SH2B3: variants seen among roughly 807,000 people sequenced by gnomAD.
SH2B3 encodes the protein SH2B adapter protein 3.
SH2B3 carries 43 observed loss-of-function variants against 51.9 expected under a neutral mutation model. That is an observed-to-expected ratio of 0.83 (90% CI 0.65 to 1.07). The LOEUF (loss-of-function observed/expected upper bound fraction) is 1.07. SH2B3 is among the 50% of genes least tolerant of loss of function. The pLI is 0.00. For synonymous variants in SH2B3, 396 were observed against 376.0 expected, an observed-to-expected ratio of 1.05 and a Z score of -0.62; for missense variants, 952 against 834.3, an observed-to-expected ratio of 1.14 and a Z score of -1.74.
At position 111,447,226 on chromosome 12, in the gene SH2B3, A is replaced by T; in HGVS notation, c.1021+7A>T. On this transcript the variant is annotated splice_region_variant and intron_variant, in intron 5 of 7. Coordinates refer to ENST00000341259, the MANE Select transcript of SH2B3 (RefSeq NM_005475.3). ...ACAGATTCCCTTAACCAAGGTGGGT[A>T]AACCAATAGCTAGGCCATTGTCTTC... 1 of 1,608,332 alleles carries T rather than the reference A, an allele frequency of 6.2e-7. No individual in the cohort carries two copies. Among genetic ancestry groups the T allele is most frequent in the Non-Finnish European group, 8.5e-7 (1 of 1,174,722 alleles).
Position 111,435,597 on chromosome 12 carries a change from G to A in SH2B3, c.733-11156G>A, listed in dbSNP as rs2068941732. 6.6e-6 allele frequency among the ~76,000 whole-genome samples: 1 copy of A among 152,134 alleles called. No individual in the cohort carries two copies. ...TGGTCTCGAACTCCTGACCTCAAGTGATCCGCCCATCTTGACCTCCCAAAG... is the reference window on the plus strand; with the variant it reads ...TGGTCTCGAACTCCTGACCTCAAGTAATCCGCCCATCTTGACCTCCCAAAG... On this transcript the variant is annotated intron_variant, in intron 2 of 7. Coordinates refer to ENST00000341259, the MANE Select transcript of SH2B3 (RefSeq NM_005475.3). The surrounding 1 kb of genome is among the most constrained non-coding windows in gnomAD (Gnocchi z 4.8).
intron 2 of SH2B3, among the ~76,000 whole-genome samples, chr12:111,434,276 T>C (rs1180614402): frequency 6.6e-6 from 1 of 152,230 alleles, no homozygotes; most frequent in Non-Finnish European, 1.5e-5. Flanking sequence ...AACATTTCTA[T>C]CACCCTAGAA....
At chr12:111,431,642 C>T (rs751307991) in intron 2 of SH2B3, among the ~76,000 whole-genome samples, 9 of 152,066 alleles carry the variant, frequency 5.9e-5, no homozygotes, top group South Asian at 2.1e-4. Context: ...AGAGCAGTGG[C>T]GCCATCTCGG....
At chr12:111,427,345 C>T (rs934534194) in intron 2 of SH2B3, among the ~76,000 whole-genome samples, 1 of 141,142 alleles carries the variant, frequency 7.1e-6, no homozygotes, top group Admixed American at 7.7e-5. Flanking sequence ...GAGATTGCAC[C>T]GTTGCACTCC....
At chr12:111,415,992 A>C (rs1871056223) in intron 1 of SH2B3, among the ~76,000 whole-genome samples, 1 of 151,970 alleles carries the variant, frequency 6.6e-6, no homozygotes, top group African/African-American at 2.4e-5. Flanking sequence ...CCCAGGCTGG[A>C]GTCCAGTGGC....
intron 2 of SH2B3, among the ~76,000 whole-genome samples, chr12:111,443,306 G>A (rs1873614034): frequency 6.6e-6 from 1 of 152,222 alleles, no homozygotes; most frequent in African/African-American, 2.4e-5. Context: ...ACCTTTGCAG[G>A]GGGACTGATC....
Position 111,418,766 on chromosome 12 carries a change from C to T in SH2B3, c.621C>T (p.Asp207=), listed in dbSNP as rs1308812936. 6.8e-7 allele frequency: 1 copy of T among 1,478,576 alleles called. No individual in the cohort carries two copies. Among genetic ancestry groups the T allele is most frequent in the Non-Finnish European group, 8.9e-7 (1 of 1,122,994 alleles). The allele number at this position is 1,478,576 out of a possible 1,614,324, so 91.6% of individuals were successfully genotyped here. ...KEAVLRYSLA[D]EASMDSGARW... is the part of the protein sequence containing the mutation. ...CGGTGCTGCGCTACAGCCTGGCCGA[C>T]GAGGCCTCCATGGACAGCGGGGCAC... The change falls in exon 2 of 8, where the codon GAC becomes GAT. Residue 207 remains aspartate, a synonymous_variant. Coordinates refer to ENST00000341259, the MANE Select transcript of SH2B3 (RefSeq NM_005475.3). The surrounding 1 kb of genome is among the most constrained non-coding windows in gnomAD (Gnocchi z 6.7).
At chr12:111,416,916 C>T (rs1416171094) in intron 1 of SH2B3, among the ~76,000 whole-genome samples, 2 of 152,198 alleles carry the variant, frequency 1.3e-5, no homozygotes, top group African/African-American at 4.8e-5. Flanking sequence ...TGATTCCTCC[C>T]CAGAGGTACC....
chr12:111,414,795 G>A (rs2135540759), intron 1 of SH2B3, among the ~76,000 whole-genome samples: 1 of 152,250 alleles, frequency 6.6e-6, no homozygotes, highest in South Asian at 2.1e-4. Context: ...GCCTGTGGAG[G>A]GGTGTGTGGC....
Position 111,410,831 on chromosome 12 carries a change from G to C in SH2B3, c.-28+4554G>C, listed in dbSNP as rs1870642296. 6.6e-6 allele frequency among the ~76,000 whole-genome samples: 1 copy of C among 152,232 alleles called. No individual in the cohort carries two copies. The highest frequency in any genetic ancestry group is 6.5e-5 in the Admixed American group (1 of 15,290). On this transcript the variant is annotated intron_variant, in intron 1 of 7. Transcript: ENST00000341259. This position sits in a 1 kb window ranked among gnomAD's most constrained non-coding sequence, Gnocchi z 4.9. The stretch of plus-strand genomic sequence containing the variant: ...GCAGGCCGCCTGCCAGGCAGTGTGT[G>C]TCAGAATCCCACAACTCTCTGGGCC...
At chr12:111,440,559 G>T (rs996742635) in intron 2 of SH2B3, among the ~76,000 whole-genome samples, 4 of 152,240 alleles carry the variant, frequency 2.6e-5, no homozygotes. Flanking sequence ...GGGTGGTGTG[G>T]GGTCTGTGAG....
Position 111,409,017 on chromosome 12 carries a change from T to C in SH2B3, c.-28+2740T>C, listed in dbSNP as rs1039793702. 1.3e-5 allele frequency among the ~76,000 whole-genome samples: 2 copies of C among 152,204 alleles called. No homozygotes were observed. Among genetic ancestry groups the C allele is most frequent in the African/African-American group, 4.8e-5 (2 of 41,448 alleles). ...AATTCCCACTTCTCCCTGGTAGCAG[T>C]ATGGACTTTGGGGCCAAATCTGGGC... On this transcript the variant is annotated intron_variant, in intron 1 of 7. Coordinates refer to ENST00000341259, the MANE Select transcript of SH2B3 (RefSeq NM_005475.3). This position sits in a 1 kb window ranked among gnomAD's most constrained non-coding sequence, Gnocchi z 4.0.
chr12:111,429,035 AGG>A lies in SH2B3; in HGVS notation c.732+10159_732+10160del. Among the ~76,000 whole-genome samples the A allele has an allele frequency of 7.2e-5, 9 of 125,810 alleles. No homozygotes were observed. The Admixed American group carries it at 7.9e-4, about 11-fold the overall frequency. 82.5% of individuals were successfully genotyped at this position (125,810 alleles called of 152,430 possible). ...GAGTGCGAGGAGGAGGAGGAGGAGG[AGG>A]AGGAGGAGGAAGAGGAGGAGGAGGA... is the stretch of plus-strand genomic sequence containing the variant. On this transcript the variant is annotated intron_variant, in intron 2 of 7. Transcript: ENST00000341259. The surrounding 1 kb of genome is among the most constrained non-coding windows in gnomAD (Gnocchi z 4.4).
chr12:111,432,308 T>A (rs1872557525), intron 2 of SH2B3, among the ~76,000 whole-genome samples: 1 of 152,032 alleles, frequency 6.6e-6, no homozygotes, highest in Non-Finnish European at 1.5e-5. Context: ...TGCCTCAGCC[T>A]CCCAAAGTGC....
intron 2 of SH2B3, among the ~76,000 whole-genome samples, chr12:111,443,305 G>A (rs1459790376): frequency 6.6e-6 from 1 of 152,224 alleles, no homozygotes; most frequent in Non-Finnish European, 1.5e-5. Context: ...GACCTTTGCA[G>A]GGGGACTGAT....
At chr12:111,445,309 G>A (rs1035416490) in intron 2 of SH2B3, among the ~76,000 whole-genome samples, 4 of 152,186 alleles carry the variant, frequency 2.6e-5, no homozygotes, top group East Asian at 3.9e-4. Context: ...GTGGCCACTC[G>A]CACCTTACCC....
At chr12:111,426,951 T>C (rs1872051422) in intron 2 of SH2B3, among the ~76,000 whole-genome samples, 1 of 152,024 alleles carries the variant, frequency 6.6e-6, no homozygotes, top group Admixed American at 6.6e-5. Flanking sequence ...AGAGAGTGTA[T>C]AACCCAGCTC....
chr12:111,419,659 C>T (rs1225160043), intron 2 of SH2B3, among the ~76,000 whole-genome samples: 1 of 151,840 alleles, frequency 6.6e-6, no homozygotes, highest in Non-Finnish European at 1.5e-5. Context: ...AATGTTTAGA[C>T]TTACAGGAAA....
chr12:111,414,902 T>A (rs11830222), intron 1 of SH2B3, among the ~76,000 whole-genome samples: 15,574 of 152,210 alleles, frequency 0.1, 2,665 homozygotes, highest in African/African-American at 0.35. Context: ...GGTTGGCAGA[T>A]GAGGAAATCC....
Sources: gnomAD v4.1 joint callset for allele counts (sites outside exome capture counted in the v4.1 genomes callset) on GRCh38, gnomAD v4.1.1 for gene constraint, Gnocchi (gnomAD v3.1) non-coding constraint, MANE v1.5 for transcripts, NCBI Gene and HGNC (gene_info 2026-07-23, HGNC 2026-07-21) for gene names.